Variants in FBXL2 observed in about 807,000 individuals in gnomAD.
The protein encoded by FBXL2 is F-box/LRR-repeat protein 2.
A neutral mutation model predicts 69.2 loss-of-function variants in FBXL2; 38 were observed. The observed-to-expected ratio is 0.55, with a 90% CI of 0.42 to 0.72. FBXL2 has a LOEUF of 0.72. Ranked by LOEUF, FBXL2 falls within the 30% of genes least tolerant of loss-of-function variation. FBXL2 has a pLI of 0.00. For missense variants in FBXL2, 354 were observed against 520.3 expected, an observed-to-expected ratio of 0.68 and a Z score of 3.11; for synonymous variants, 192 against 201.3, an observed-to-expected ratio of 0.95 and a Z score of 0.39.
intron 1 of FBXL2, among the ~76,000 whole-genome samples, chr3:33,295,876 G>T (rs1280975211): frequency 1.3e-5 from 2 of 152,042 alleles, no homozygotes. Context: ...TATCTTCTTT[G>T]CAGAAATGTC....
chr3:33,334,440 T>C (rs555805167), intron 2 of FBXL2, among the ~76,000 whole-genome samples: 1 of 152,290 alleles, frequency 6.6e-6, no homozygotes, highest in African/African-American at 2.4e-5. Context: ...AATTATTCAC[T>C]ACACAAGAAA....
intron 2 of FBXL2, among the ~76,000 whole-genome samples, chr3:33,332,629 G>A (rs934656236): frequency 6.6e-6 from 1 of 152,224 alleles, no homozygotes; most frequent in Non-Finnish European, 1.5e-5. Context: ...TTGCAGTTGT[G>A]TGAACACTAC....
chr3:33,364,817 T>C, intron 5 of FBXL2, 98 bp downstream of exon 5: 1 of 1,093,496 alleles, frequency 9.1e-7, no homozygotes, highest in Non-Finnish European at 1.4e-6. Flanking sequence ...CTGTTAAAAT[T>C]CTTTCTGTGG....
chr3:33,383,063 C>T (rs1187104968), intron 13 of FBXL2: 3 of 152,158 alleles, frequency 2.0e-5, no homozygotes, highest in Non-Finnish European at 4.4e-5. Flanking sequence ...TTCCCCAGGA[C>T]AAATCCTGCT....
At chr3:33,412,899 T>TA in the FBXL2 span, 1 of 981,466 alleles carries the variant, frequency 1.0e-6, no homozygotes, top group South Asian at 1.3e-5. Context: ...TTCTACTTCT[T>TA]ATGTGTTAAC....
Position 33,373,926 on chromosome 3 carries a change from G to A in FBXL2, c.657+5G>A. 1 of 1,613,970 alleles carries A rather than the reference G, an allele frequency of 6.2e-7. No individual in the cohort carries two copies. The highest frequency in any genetic ancestry group is 8.5e-7 in the Non-Finnish European group (1 of 1,179,844). On this transcript the variant is annotated splice_donor_5th_base_variant and intron_variant, in intron 9 of 14. Transcript: ENST00000484457. ...CTCAACTTGCAGTCCTGCTCAGTAA[G>A]TAGCGTGCCTTTCCTGAACACTGTT... is the stretch of plus-strand genomic sequence containing the variant.
chr3:33,284,839 G>A (rs2034431408), intron 1 of FBXL2, among the ~76,000 whole-genome samples: 2 of 152,276 alleles, frequency 1.3e-5, no homozygotes, highest in Admixed American at 6.5e-5. Flanking sequence ...TTGGTTTAAA[G>A]TCTGTTTTAT....
At chr3:33,333,544 T>C (rs2039335314) in intron 2 of FBXL2, among the ~76,000 whole-genome samples, 1 of 152,228 alleles carries the variant, frequency 6.6e-6, no homozygotes, top group African/African-American at 2.4e-5. Context: ...ATACTTGTTA[T>C]AGGGCAAGTA....
intron 13 of FBXL2, 28 bp from the exon 14 acceptor site, chr3:33,383,961 A>G (rs751881350): frequency 6.2e-7 from 1 of 1,609,084 alleles, no homozygotes; most frequent in Admixed American, 1.7e-5. Context: ...GGGTCCTGCA[A>G]ACATTTACTC....
rs1315489083 is a variant in FBXL2 at position 33,378,169 on chromosome 3, C to T, written c.894+22C>T. ...CCTGGTGAGTGGACTCCTGACAGCC[C>T]TGCAGGGCAGCCTGCTCCTTAGTCA... is the stretch of plus-strand genomic sequence containing the variant. On this transcript the variant is annotated intron_variant, in intron 12 of 14. Transcript: ENST00000484457. The T allele has an allele frequency of 2.5e-6, 4 of 1,611,900 alleles. No individual in the cohort carries two copies. The Admixed American group carries it at 6.7e-5, about 27-fold the overall frequency.
the FBXL2 span, among the ~76,000 whole-genome samples, chr3:33,414,653 G>A: frequency 3.3e-5 from 5 of 152,162 alleles, no homozygotes; most frequent in Non-Finnish European, 5.9e-5. Context: ...AAAAAAGGAT[G>A]TAATTTCCAA....
chr3:33,289,585 A>T (rs2035018050), intron 1 of FBXL2: 1 of 164,354 alleles, frequency 6.1e-6, no homozygotes, highest in Non-Finnish European at 1.3e-5. Context: ...GAACAGCAAG[A>T]GGAAGAATTT....
At chr3:33,418,315 G>A in the FBXL2 span, among the ~76,000 whole-genome samples, 848 of 152,014 alleles carry the variant, frequency 5.6e-3, 33 homozygotes, top group East Asian at 2.4e-3. Context: ...ATGCAGTGGC[G>A]CAATCTCGGC....
chr3:33,310,897 C>G (rs2037135100), intron 2 of FBXL2, among the ~76,000 whole-genome samples: 1 of 152,108 alleles, frequency 6.6e-6, no homozygotes. Context: ...GCCGCAGCCT[C>G]TTGAGTAGCT....
intron 2 of FBXL2, among the ~76,000 whole-genome samples, chr3:33,319,076 G>A (rs907324559): frequency 2.6e-5 from 4 of 152,190 alleles, no homozygotes; most frequent in African/African-American, 9.6e-5. Context: ...TCCTTTAGGT[G>A]TTTTAAGACG....
At chr3:33,341,501 C>G (rs1273476208) in intron 2 of FBXL2, among the ~76,000 whole-genome samples, 1 of 151,990 alleles carries the variant, frequency 6.6e-6, no homozygotes, top group Non-Finnish European at 1.5e-5. Context: ...GGTGCCTACA[C>G]TTAGAAGAAA....
At chr3:33,396,233 C>T (rs748166215) in intron 12 of FBXL2, 1 of 1,593,448 alleles carries the variant, frequency 6.3e-7, no homozygotes, top group Admixed American at 1.7e-5. Context: ...CACTGTGCTG[C>T]TTGGCTGCTC....
chr3:33,412,952 T>G, the FBXL2 span: 1 of 585,444 alleles, frequency 1.7e-6, no homozygotes, highest in Non-Finnish European at 3.1e-6. Context: ...GTTTTAAACA[T>G]TCTGTAAGTG....
intron 10 of FBXL2, 100 bp downstream of exon 10, chr3:33,375,518 G>A (rs2042580176): frequency 1.5e-6 from 2 of 1,370,932 alleles, no homozygotes; most frequent in African/African-American, 1.4e-5. Context: ...TAGTGGTGGT[G>A]GAGGCAGTAG....
Sources: allele counts gnomAD v4.1 joint callset (sites outside exome capture counted in the v4.1 genomes callset), GRCh38; gene constraint gnomAD v4.1.1; transcripts MANE v1.5; gene names NCBI Gene and HGNC (gene_info 2026-07-23, HGNC 2026-07-21).